Variants in DENND1A observed in about 807,000 individuals in gnomAD.
DENND1A encodes the protein DENN domain containing 1A.
DENND1A carries 51 observed loss-of-function variants against 113.7 expected under a neutral mutation model. The ratio of observed to expected loss-of-function variants is 0.45; its 90% CI spans 0.36 to 0.57. The LOEUF is 0.57. DENND1A is among the 20% of genes least tolerant of loss of function. DENND1A has a pLI of 0.00. For synonymous variants in DENND1A, 565 were observed against 570.8 expected (o/e 0.99, Z 0.14); for missense variants, 1,258 against 1,395.9 (o/e 0.90, Z 1.57).
intron 3 of DENND1A, among the ~76,000 whole-genome samples, chr9:123,770,330 A>C (rs1160584565): frequency 1.3e-5 from 2 of 152,258 alleles, no homozygotes. Flanking sequence ...GGATTAGGGT[A>C]CACAAAGTAA....
intron 13 of DENND1A, among the ~76,000 whole-genome samples, chr9:123,553,044 C>G (rs1009654896): frequency 1.8e-4 from 27 of 152,114 alleles, no homozygotes; most frequent in Admixed American, 1.8e-3. Context: ...ATCACTCGAG[C>G]CCAGGAGTTG....
chr9:123,429,357 A>T (rs1161157879), intron 19 of DENND1A, among the ~76,000 whole-genome samples: 1 of 152,192 alleles, frequency 6.6e-6, no homozygotes, highest in African/African-American at 2.4e-5. Context: ...GGAGTTCAAG[A>T]CCAGCCTGGC....
chr9:123,810,618 A>G (rs1424335065), intron 2 of DENND1A, among the ~76,000 whole-genome samples: 1 of 151,442 alleles, frequency 6.6e-6, no homozygotes, highest in Non-Finnish European at 1.5e-5. Context: ...AAAAACTATT[A>G]ATATTTTAAG....
chr9:123,877,495 A>C (rs1269351135), intron 2 of DENND1A, among the ~76,000 whole-genome samples: 2 of 151,192 alleles, frequency 1.3e-5, no homozygotes, highest in African/African-American at 4.9e-5. Flanking sequence ...TCTCAAAAAT[A>C]ATAATAATAA....
At chr9:123,892,582 G>C (rs1019941639) in intron 1 of DENND1A, among the ~76,000 whole-genome samples, 1 of 152,200 alleles carries the variant, frequency 6.6e-6, no homozygotes, top group African/African-American at 2.4e-5. Context: ...CAGAGGGAGA[G>C]CATCAGGGTA....
intron 2 of DENND1A, among the ~76,000 whole-genome samples, chr9:123,833,503 C>G (rs1322436215): frequency 6.6e-6 from 1 of 152,060 alleles, no homozygotes; most frequent in African/African-American, 2.4e-5. Flanking sequence ...CTGCCAATTC[C>G]TAATTCCCAA....
At chr9:123,613,216 G>A (rs897015936) in intron 10 of DENND1A, among the ~76,000 whole-genome samples, 7 of 151,910 alleles carry the variant, frequency 4.6e-5, no homozygotes, top group Non-Finnish European at 8.8e-5. Flanking sequence ...CACCAATAAC[G>A]GAAAAACTAT....
At chr9:123,556,306 C>T (rs544617749) in intron 13 of DENND1A, among the ~76,000 whole-genome samples, 8 of 152,308 alleles carry the variant, frequency 5.3e-5, no homozygotes, top group Admixed American at 3.9e-4. Flanking sequence ...TAGGACGCTG[C>T]TCCCTGAGCA....
intron 2 of DENND1A, among the ~76,000 whole-genome samples, chr9:123,810,561 A>C (rs998149935): frequency 1.3e-5 from 2 of 151,262 alleles, no homozygotes; most frequent in East Asian, 3.9e-4. Flanking sequence ...AAAAAAAAAA[A>C]AAAAAAAACA....
At chr9:123,772,273 T>C (rs552301750) in intron 3 of DENND1A, among the ~76,000 whole-genome samples, 63 of 152,320 alleles carry the variant, frequency 4.1e-4, no homozygotes, top group African/African-American at 1.4e-3. Context: ...ATTATTCGAA[T>C]ATGAAAAGTA....
chr9:123,603,724 G>A (rs538302435), intron 11 of DENND1A, among the ~76,000 whole-genome samples: 1 of 152,266 alleles, frequency 6.6e-6, no homozygotes, highest in South Asian at 2.1e-4. Context: ...CTGAGGTGTA[G>A]AAAAAGTAAC....
At chr9:123,420,108 G>A (rs2045124763) in intron 19 of DENND1A, among the ~76,000 whole-genome samples, 1 of 152,206 alleles carries the variant, frequency 6.6e-6, no homozygotes. Context: ...TCCACGTCAC[G>A]CTGAGGAAGA....
rs575027346 is a variant in DENND1A, at chr9:123,542,660, G to A, written c.993+14910C>T. Among the ~76,000 whole-genome samples the A allele has an allele frequency of 7.0e-4, 107 of 152,166 alleles. 2 individuals are homozygous for A. Among genetic ancestry groups the A allele is most frequent in the Non-Finnish European group, 2.6e-4 (18 of 68,006 alleles). On this transcript the variant is annotated intron_variant, in intron 13 of 23. Transcript: ENST00000394215. ...AGCGAGAGATTAGGAGGAGGAAAGTGGAAGGGAAAAGTTTGAGTATCTCTT... is the reference window on the plus strand; with the variant it reads ...AGCGAGAGATTAGGAGGAGGAAAGTAGAAGGGAAAAGTTTGAGTATCTCTT...
At position 123,757,841 on chromosome 9, in the gene DENND1A, A is replaced by G. The variant is rs1589961206; in HGVS notation, c.183-19T>C. 6.2e-7 allele frequency: 1 copy of G among 1,611,434 alleles called. No homozygotes were observed. ...TGTGAGGCTGCAGCAAAGGCAGAAC[A>G]AAGGGGAAAATGAATGTGCAGTAAG... On this transcript the variant is annotated intron_variant, in intron 4 of 23. Transcript: ENST00000394215.
intron 12 of DENND1A, among the ~76,000 whole-genome samples, chr9:123,566,667 A>G (rs1238298548): frequency 1.3e-5 from 2 of 152,060 alleles, no homozygotes; most frequent in African/African-American, 4.8e-5. Context: ...AAAACCAAAA[A>G]AGGCCTGTTT....
At chr9:123,399,172 A>G (rs942025283) in intron 21 of DENND1A, among the ~76,000 whole-genome samples, 13 of 152,120 alleles carry the variant, frequency 8.5e-5, no homozygotes, top group Admixed American at 7.9e-4. Context: ...CACCAGTCAG[A>G]GAAGCACGTG....
intron 18 of DENND1A, among the ~76,000 whole-genome samples, chr9:123,450,323 G>T (rs1314296367): frequency 6.6e-6 from 1 of 152,222 alleles, no homozygotes; most frequent in East Asian, 1.9e-4. Flanking sequence ...CCTTGGTTTT[G>T]GTTACAACCG....
chr9:123,449,665 A>C (rs2047564278), intron 18 of DENND1A, among the ~76,000 whole-genome samples: 1 of 152,210 alleles, frequency 6.6e-6, no homozygotes, highest in Non-Finnish European at 1.5e-5. Context: ...CTGGGGGCAT[A>C]AAAAGGAATG....
intron 12 of DENND1A, among the ~76,000 whole-genome samples, chr9:123,571,812 G>C (rs2058371211): frequency 6.6e-6 from 1 of 152,172 alleles, no homozygotes; most frequent in Admixed American, 6.5e-5. Context: ...TGGGTGAATA[G>C]CCAGGTGTGG....
Sources: allele counts gnomAD v4.1 joint callset (sites outside exome capture counted in the v4.1 genomes callset), GRCh38; gene constraint gnomAD v4.1.1; transcripts MANE v1.5; gene names NCBI Gene and HGNC (gene_info 2026-07-23, HGNC 2026-07-21).